Variants in SDK1 observed in about 807,000 individuals in gnomAD.
SDK1 encodes the protein protein sidekick-1.
A neutral mutation model predicts 245.5 loss-of-function variants in SDK1; 157 were observed. That is an observed-to-expected ratio of 0.64 (90% confidence interval 0.56 to 0.73). The LOEUF is 0.73. Among genes scored for constraint, SDK1 ranks in the 30% least tolerant of loss-of-function variants. The pLI is 0.00. For synonymous variants in SDK1, 1,647 were observed against 1,278.5 expected, an observed-to-expected ratio of 1.29 and a Z score of -6.15; for missense variants, 3,583 against 3,002.3, an observed-to-expected ratio of 1.19 and a Z score of -4.52.
intron 5 of SDK1, among the ~76,000 whole-genome samples, chr7:3,935,110 G>C (rs938990910): frequency 1.3e-5 from 2 of 152,178 alleles, no homozygotes; most frequent in Non-Finnish European, 1.5e-5. Flanking sequence ...CCTTTGGTAG[G>C]AACTGATGGG....
chr7:4,013,527 G>A (rs886156600), intron 16 of SDK1, among the ~76,000 whole-genome samples: 7 of 152,214 alleles, frequency 4.6e-5, no homozygotes, highest in Non-Finnish European at 8.8e-5. Flanking sequence ...TTAGATAAAT[G>A]TGAGAAATTG....
chr7:3,896,556 G>A (rs1261835730), intron 5 of SDK1, among the ~76,000 whole-genome samples: 2 of 152,194 alleles, frequency 1.3e-5, no homozygotes, highest in Admixed American at 6.5e-5. Context: ...ACTCTGGCTT[G>A]TTAACTCAGC....
At chr7:4,178,613 C>G in intron 35 of SDK1, 27 bp downstream of exon 35, 1 of 1,543,192 alleles carries the variant, frequency 6.5e-7, no homozygotes, top group Non-Finnish European at 8.9e-7. Flanking sequence ...CCCAACCCCA[C>G]TGCCAGAGAG....
At chr7:3,337,801 C>G (rs946505151) in intron 1 of SDK1, 1 of 152,064 alleles carries the variant, frequency 6.6e-6, no homozygotes, top group Non-Finnish European at 1.5e-5. Flanking sequence ...ACAAAAATGT[C>G]TTTCAGGAAT....
At chr7:3,653,619 C>T (rs577833592) in intron 4 of SDK1, among the ~76,000 whole-genome samples, 1 of 152,228 alleles carries the variant, frequency 6.6e-6, no homozygotes, top group South Asian at 2.1e-4. Context: ...ATTAGAACCT[C>T]AGTAGGGAAC....
chr7:4,172,422 C>T (rs912883279), intron 32 of SDK1, among the ~76,000 whole-genome samples: 6 of 152,162 alleles, frequency 3.9e-5, no homozygotes, highest in African/African-American at 2.4e-5. Flanking sequence ...GCCATTCTGT[C>T]GGAGAGCCTG....
At chr7:3,787,146 T>TCACACACACAAACACACACACA (rs1780925807) in intron 4 of SDK1, among the ~76,000 whole-genome samples, 1 of 137,678 alleles carries the variant, frequency 7.3e-6, no homozygotes, top group African/African-American at 2.7e-5. Flanking sequence ...AGTATTGAAA[T>TCACACACACAAACACACACACA]CACACACACA....
chr7:4,179,445 C>A (rs936380699), intron 35 of SDK1, among the ~76,000 whole-genome samples: 1 of 152,058 alleles, frequency 6.6e-6, no homozygotes, highest in South Asian at 2.1e-4. Context: ...GAGGGAAACA[C>A]ATCAGGTGAC....
At chr7:3,478,574 T>A (rs1053664690) in intron 1 of SDK1, among the ~76,000 whole-genome samples, 7 of 152,232 alleles carry the variant, frequency 4.6e-5, no homozygotes, top group African/African-American at 1.7e-4. Context: ...TCTATAAGTC[T>A]TTTTGCATTT....
rs1220828297 is a variant in SDK1 at position 3,962,668 on chromosome 7, C to G, written c.1246C>G (p.Pro416Ala). The G allele has an allele frequency of 2.5e-6, 4 of 1,608,728 alleles. No homozygotes were observed. The South Asian group carries it at 4.4e-5, about 18-fold the overall frequency. ...CCATTCCTACGCAGGGGTCCCCCTT[C>G]CCACCCTCCAGTGGTACAAGGATGC... is the stretch of plus-strand genomic sequence containing the variant. ...IGCQAMGVPL[P>A]TLQWYKDAIS... Residue 416 changes from proline to alanine, a missense_variant, in exon 9 of 45, where the codon CCC becomes GCC. Transcript: ENST00000404826.
At chr7:4,214,016 C>T (rs1784650732) in intron 38 of SDK1, among the ~76,000 whole-genome samples, 1 of 152,176 alleles carries the variant, frequency 6.6e-6, no homozygotes, top group African/African-American at 2.4e-5. Context: ...CCGCTATCTC[C>T]AAATCCTCAG....
At chr7:4,177,445 C>G (rs1436279928) in intron 34 of SDK1, among the ~76,000 whole-genome samples, 2 of 152,242 alleles carry the variant, frequency 1.3e-5, no homozygotes, top group Non-Finnish European at 2.9e-5. Flanking sequence ...AAGGAGTTCT[C>G]TGTGTACAGC....
At chr7:3,558,243 A>G (rs1779647857) in intron 1 of SDK1, among the ~76,000 whole-genome samples, 1 of 152,246 alleles carries the variant, frequency 6.6e-6, no homozygotes, top group Non-Finnish European at 1.5e-5. Flanking sequence ...GGAGTAGGCC[A>G]TAGGATCAAA....
Position 3,933,280 on chromosome 7 carries a change from T to TA in SDK1, c.848-17635dup, listed in dbSNP as rs544883651. Among the ~76,000 whole-genome samples, 502 of 151,656 alleles carry TA rather than the reference T, an allele frequency of 3.3e-3. 7 individuals carry two copies. In the South Asian group the frequency reaches 0.036, roughly 11 times the overall value. ...CTTGCACCACCACTCCCAGCTAATTTAAAAAAAATGTTTCTAGATACAGAG... is the reference window on the plus strand; with the variant it reads ...CTTGCACCACCACTCCCAGCTAATTTAAAAAAAAATGTTTCTAGATACAGAG... On this transcript the variant is annotated intron_variant, in intron 5 of 44. Coordinates refer to ENST00000404826, the MANE Select transcript of SDK1 (RefSeq NM_152744.4).
At chr7:4,025,112 T>C (rs1396046404) in intron 17 of SDK1, among the ~76,000 whole-genome samples, 1 of 152,186 alleles carries the variant, frequency 6.6e-6, no homozygotes, top group Non-Finnish European at 1.5e-5. Context: ...GTATTTTCTG[T>C]TCTATTCCAT....
intron 1 of SDK1, among the ~76,000 whole-genome samples, chr7:3,334,108 A>T (rs4336505): frequency 8.5e-5 from 13 of 152,150 alleles, no homozygotes; most frequent in African/African-American, 1.7e-4. Context: ...CATGATCTGA[A>T]GGAACCTAAA....
At chr7:3,579,370 G>A (rs111643174) in intron 1 of SDK1, among the ~76,000 whole-genome samples, 3 of 152,174 alleles carry the variant, frequency 2.0e-5, no homozygotes, top group Admixed American at 6.5e-5. Flanking sequence ...GTTGGTTCAA[G>A]ATATGCAAAT....
chr7:3,396,837 T>G (rs932015272), intron 1 of SDK1, among the ~76,000 whole-genome samples: 1 of 151,690 alleles, frequency 6.6e-6, no homozygotes, highest in Non-Finnish European at 1.5e-5. Flanking sequence ...ATGGTCTAAT[T>G]CATTTATATT....
intron 17 of SDK1, among the ~76,000 whole-genome samples, chr7:4,030,708 G>A (rs10253108): frequency 0.017 from 2,565 of 152,286 alleles, 71 homozygotes; most frequent in African/African-American, 0.059. Context: ...TGAATGGAGC[G>A]TATGTATTCC....
Sources: allele counts gnomAD v4.1 joint callset (sites outside exome capture counted in the v4.1 genomes callset), GRCh38; gene constraint gnomAD v4.1.1; transcripts MANE v1.5; gene names NCBI Gene and HGNC (gene_info 2026-07-23, HGNC 2026-07-21).